Variants in ADAMTS15 observed in about 807,000 individuals in gnomAD.
ADAMTS15 encodes the protein ADAM metallopeptidase with thrombospondin type 1 motif 15, also known as A disintegrin and metalloproteinase with thrombospondin motifs 15.
In ADAMTS15, 35 loss-of-function variants were observed where a neutral mutation model predicts 79.1. The observed-to-expected ratio is 0.44, with a 90% CI of 0.34 to 0.59. The LOEUF is 0.59. Among genes scored for constraint, ADAMTS15 ranks in the 20% least tolerant of loss-of-function variants. ADAMTS15 has a pLI of 0.02. For missense variants in ADAMTS15, 1,324 were observed against 1,318.7 expected, an observed-to-expected ratio of 1.00 and a Z score of -0.06; for synonymous variants, 616 against 567.3, an observed-to-expected ratio of 1.09 and a Z score of -1.22.
Position 130,449,641 on chromosome 11 carries a change from T to A in ADAMTS15, c.668T>A (p.Leu223Gln), listed in dbSNP as rs555704841. 9 of 1,583,992 alleles carry A rather than the reference T, an allele frequency of 5.7e-6. No individual in the cohort carries two copies. The East Asian group carries it at 2.1e-4, about 36-fold the overall frequency. Residue 223 changes from leucine (L) to glutamine (Q), a missense_variant, in exon 1 of 8, where the codon CTG (leucine) becomes CAG (glutamine). Leu to Gln is a moderately radical substitution (Grantham distance 113). Transcript: ENST00000299164. The surrounding 1 kb of genome is among the most constrained non-coding windows in gnomAD (Gnocchi z 7.8). ...TCTATCCCGCGGTACGTGGAGACGC[T>A]GGTGGTCGCGGACGAGTCAATGGTC... is the stretch of plus-strand genomic sequence containing the variant. ...FVSIPRYVET[L>Q]VVADESMVKF...
intron 4 of ADAMTS15, among the ~76,000 whole-genome samples, chr11:130,466,171 C>A (rs1358082287): frequency 6.6e-6 from 1 of 152,234 alleles, no homozygotes; most frequent in Non-Finnish European, 1.5e-5. Context: ...CCGCGCCCGG[C>A]CTGTACTCTC....
rs1383683102 is a variant in ADAMTS15 at position 130,448,747 on chromosome 11, C to T, written c.-227C>T. On this transcript the variant is annotated 5_prime_UTR_variant, in exon 1 of 8. Coordinates refer to ENST00000299164, the MANE Select transcript of ADAMTS15 (RefSeq NM_139055.4). ...ACTTGACAGCGATTGTACTTAAGCT[C>T]CCAGGGCGCGCTTTGCTTGGAAAGG... 6.6e-6 allele frequency among the ~76,000 whole-genome samples: 1 copy of T among 152,214 alleles called. No individual in the cohort carries two copies. Among genetic ancestry groups the T allele is most frequent in the East Asian group, 1.9e-4 (1 of 5,188 alleles).
chr11:130,467,442 G>A (rs1240523614), intron 4 of ADAMTS15, among the ~76,000 whole-genome samples: 1 of 152,172 alleles, frequency 6.6e-6, no homozygotes. Flanking sequence ...GGCGGTGGTG[G>A]TTTTTATAGG....
In ADAMTS15 at chr11:130,462,183, A is replaced by G; in HGVS notation, c.1187A>G (p.Gln396Arg). 3 of 1,614,174 alleles carry G rather than the reference A, an allele frequency of 1.9e-6. No homozygotes were observed. The South Asian group carries it at 3.3e-5, about 18-fold the overall frequency. ...CACATGATGTCCCCGACCCTCATCCAGATCGACCGTGCCAACCCCTGGTCA... is the reference window on the plus strand; with the variant it reads ...CACATGATGTCCCCGACCCTCATCCGGATCGACCGTGCCAACCCCTGGTCA... ...ANHMMSPTLI[Q>R]IDRANPWSAC... is the part of the protein sequence containing the mutation. Residue 396 changes from glutamine (Q) to arginine (R), a missense_variant, in exon 3 of 8, where the codon CAG becomes CGG. Coordinates refer to ENST00000299164, the MANE Select transcript of ADAMTS15 (RefSeq NM_139055.4). The surrounding 1 kb of genome is among the most constrained non-coding windows in gnomAD (Gnocchi z 4.3).
At chr11:130,470,182 G>GTATATATACATATA (rs1407250375) in intron 5 of ADAMTS15, among the ~76,000 whole-genome samples, 1 of 72,744 alleles carries the variant, frequency 1.4e-5, no homozygotes, top group East Asian at 4.6e-4. Flanking sequence ...ATATATATAT[G>GTATATATACATATA]TGTGTATATA....
intron 1 of ADAMTS15, among the ~76,000 whole-genome samples, chr11:130,457,651 A>C (rs1234709840): frequency 6.6e-6 from 1 of 152,052 alleles, no homozygotes; most frequent in African/African-American, 2.4e-5. Context: ...GGGAGGAAGA[A>C]GGCAGAACAG....
intron 4 of ADAMTS15, 31 bp from the exon 5 acceptor site, chr11:130,469,231 A>C (rs371308844): frequency 7.3e-7 from 1 of 1,368,810 alleles, no homozygotes; most frequent in African/African-American, 1.5e-5. Flanking sequence ...ACCTGGATCC[A>C]CCAAGGAATA....
In ADAMTS15 at chr11:130,461,475, C is replaced by G. The variant is rs781274125; in HGVS notation, c.958-14C>G. On this transcript the variant is annotated splice_polypyrimidine_tract_variant and intron_variant, in intron 1 of 7. Transcript: ENST00000299164. ...TAACTTCGGGCTGGCTTCTGCTTCT[C>G]CCCCACCCGGCAGGACCTGTGTGGA... The G allele has an allele frequency of 6.2e-7, 1 of 1,613,822 alleles. No homozygotes were observed. Among genetic ancestry groups the G allele is most frequent in the Non-Finnish European group, 8.5e-7 (1 of 1,180,018 alleles).
intron 4 of ADAMTS15, among the ~76,000 whole-genome samples, chr11:130,468,077 AC>A (rs1346499769): frequency 2.0e-5 from 3 of 152,184 alleles, no homozygotes; most frequent in African/African-American, 7.2e-5. Flanking sequence ...TGCACTAACA[AC>A]AAATAAAGGG....
chr11:130,470,183 T>TATATATACACAC lies in ADAMTS15; in HGVS notation c.1721-737_1721-736insATATATACACAC, dbSNP rs1565397829. Among the ~76,000 whole-genome samples the TATATATACACAC allele has an allele frequency of 4.1e-3, 165 of 39,822 alleles. 5 individuals are homozygous for TATATATACACAC. Among genetic ancestry groups the TATATATACACAC allele is most frequent in the Middle Eastern group, 9.8e-3 (1 of 102 alleles). 26.1% of individuals were successfully genotyped at this position (39,822 alleles called of 152,430 possible). A position where few individuals can be genotyped will look rare whatever the true frequency, so the allele number is the denominator to read the frequency against. On this transcript the variant is annotated intron_variant, in intron 5 of 7. Coordinates refer to ENST00000299164, the MANE Select transcript of ADAMTS15 (RefSeq NM_139055.4). ...ATATATATATATATATATATATATGTGTGTATATATATATATATATATATA... is the reference window on the plus strand; with the variant it reads ...ATATATATATATATATATATATATGTATATATACACACGTGTATATATATATATATATATATA...
At chr11:130,453,045 C>A (rs1045449795) in intron 1 of ADAMTS15, among the ~76,000 whole-genome samples, 1 of 151,636 alleles carries the variant, frequency 6.6e-6, no homozygotes, top group Non-Finnish European at 1.5e-5. Context: ...GGGGAGCTTA[C>A]AAGACAACAG....
At chr11:130,450,788 C>G (rs1050120328) in intron 1 of ADAMTS15, among the ~76,000 whole-genome samples, 4 of 152,188 alleles carry the variant, frequency 2.6e-5, no homozygotes, top group Non-Finnish European at 4.4e-5. Context: ...CTTGCTCCTG[C>G]TCCCAAGTCA....
rs911391031 is a variant in ADAMTS15, at chr11:130,468,939, C to CAAAAAAAAAAAAAA, written c.1543-309_1543-296dup. The stretch of plus-strand genomic sequence containing the variant: ...GCAAAAGAGGGAGACTCCACCTCAA[C>CAAAAAAAAAAAAAA]AAAAAAAAAAAAAAAAAAAAAAAAA... On this transcript the variant is annotated intron_variant, in intron 4 of 7. Coordinates refer to ENST00000299164, the MANE Select transcript of ADAMTS15 (RefSeq NM_139055.4). 6.4e-3 allele frequency among the ~76,000 whole-genome samples: 179 copies of CAAAAAAAAAAAAAA among 27,844 alleles called. 11 individuals are homozygous for CAAAAAAAAAAAAAA. The highest frequency in any genetic ancestry group is 0.015 in the African/African-American group (148 of 10,134). The allele number at this position is 27,844 out of a possible 152,430, so 18.3% of individuals were successfully genotyped here.
At chr11:130,460,157 T>C (rs546436621) in intron 1 of ADAMTS15, among the ~76,000 whole-genome samples, 1 of 152,208 alleles carries the variant, frequency 6.6e-6, no homozygotes, top group Non-Finnish European at 1.5e-5. Context: ...CATAAGCCTA[T>C]TGTGAGGATT....
In ADAMTS15 at chr11:130,449,648, C is replaced by T; in HGVS notation, c.675C>T (p.Val225=). ...CGCGGTACGTGGAGACGCTGGTGGT[C>T]GCGGACGAGTCAATGGTCAAGTTCC... The part of the protein sequence containing the change: ...SIPRYVETLV[V]ADESMVKFHG... The change falls in exon 1 of 8, where the codon GTC becomes GTT. Residue 225 remains valine (V), a synonymous_variant. Coordinates refer to ENST00000299164, the MANE Select transcript of ADAMTS15 (RefSeq NM_139055.4). The surrounding 1 kb of genome is among the most constrained non-coding windows in gnomAD (Gnocchi z 7.8). 1 of 1,599,170 alleles carries T rather than the reference C, an allele frequency of 6.3e-7. No individual in the cohort carries two copies. Among genetic ancestry groups the T allele is most frequent in the Non-Finnish European group, 8.5e-7 (1 of 1,173,250 alleles).
chr11:130,460,131 A>G (rs1938169493), intron 1 of ADAMTS15, among the ~76,000 whole-genome samples: 1 of 152,228 alleles, frequency 6.6e-6, no homozygotes, highest in African/African-American at 2.4e-5. Context: ...ACATAGATAC[A>G]ATAATATGTC....
At chr11:130,459,243 C>T (rs1021254460) in intron 1 of ADAMTS15, among the ~76,000 whole-genome samples, 1 of 152,056 alleles carries the variant, frequency 6.6e-6, no homozygotes, top group Non-Finnish European at 1.5e-5. Flanking sequence ...GCCTGTAATA[C>T]CAGCTACTAG....
At chr11:130,470,207 T>TATATAC (rs1204201965) in intron 5 of ADAMTS15, among the ~76,000 whole-genome samples, 4 of 60,218 alleles carry the variant, frequency 6.6e-5, no homozygotes, top group Non-Finnish European at 1.2e-4. Flanking sequence ...TATATATATA[T>TATATAC]ATGTATATAT....
chr11:130,458,526 T>C (rs1938134164), intron 1 of ADAMTS15, among the ~76,000 whole-genome samples: 1 of 152,150 alleles, frequency 6.6e-6, no homozygotes, highest in Non-Finnish European at 1.5e-5. Flanking sequence ...GTTCCCTTTA[T>C]AACCTACAGG....
Sources: gnomAD v4.1 joint callset for allele counts (sites outside exome capture counted in the v4.1 genomes callset) on GRCh38, gnomAD v4.1.1 for gene constraint, Gnocchi (gnomAD v3.1) non-coding constraint, MANE v1.5 for transcripts, NCBI Gene and HGNC (gene_info 2026-07-23, HGNC 2026-07-21) for gene names.